NPTN: variants seen among roughly 807,000 people sequenced by gnomAD.
The protein encoded by NPTN is neuroplastin, also known as SDR-1.
NPTN carries 5 observed loss-of-function variants against 42.7 expected under a neutral mutation model. The ratio of observed to expected loss-of-function variants is 0.12; its 90% confidence interval spans 0.06 to 0.25. The LOEUF (loss-of-function observed/expected upper bound fraction) is 0.25, where lower values mean the gene tolerates loss of function less well. Among genes scored for constraint, NPTN ranks in the 10% least tolerant of loss-of-function variants. The probability of loss-of-function intolerance (pLI) is 1.00; values close to 1 mark genes in which losing one functional copy is unlikely to be tolerated. For synonymous variants in NPTN, 180 were observed against 201.9 expected (o/e 0.89, Z 0.92); for missense variants, 307 against 525.4 (o/e 0.58, Z 4.06).
intron 1 of NPTN, among the ~76,000 whole-genome samples, chr15:73,610,736 A>G (rs1476129385): frequency 6.6e-6 from 1 of 152,228 alleles, no homozygotes; most frequent in African/African-American, 2.4e-5. Context: ...GAAATATTAC[A>G]ATGTTTATGC....
At chr15:73,582,659 G>T (rs1410650101) in intron 4 of NPTN, among the ~76,000 whole-genome samples, 2 of 152,172 alleles carry the variant, frequency 1.3e-5, no homozygotes, top group South Asian at 2.1e-4. Flanking sequence ...AATCAAAATT[G>T]AGAACCACTG....
rs973834187 is a variant in NPTN at position 73,572,774 on chromosome 15, G to A, written c.840+888C>T. Among the ~76,000 whole-genome samples the A allele has an allele frequency of 1.2e-4, 18 of 152,138 alleles. 1 individual carries two copies. Among genetic ancestry groups the A allele is most frequent in the South Asian group, 1.0e-3 (5 of 4,832 alleles). On this transcript the variant is annotated intron_variant, in intron 5 of 8. Coordinates refer to ENST00000345330, the MANE Select transcript of NPTN (RefSeq NM_012428.4). ...GGATAAATGGACGAGAATTAGGCTCGGTTCTTTCAGTGTCCTATCCTGAAG... is the reference window on the plus strand; with the variant it reads ...GGATAAATGGACGAGAATTAGGCTCAGTTCTTTCAGTGTCCTATCCTGAAG...
intron 1 of NPTN, among the ~76,000 whole-genome samples, chr15:73,607,411 C>A (rs74859902): frequency 0.16 from 24,827 of 152,128 alleles, 3,131 homozygotes; most frequent in African/African-American, 0.35. Context: ...TGTTAAGATA[C>A]CAAAATTCAT....
intron 4 of NPTN, among the ~76,000 whole-genome samples, chr15:73,576,556 T>A (rs1187296972): frequency 6.6e-6 from 1 of 152,202 alleles, no homozygotes; most frequent in African/African-American, 2.4e-5. Context: ...CTCAAACTAC[T>A]GACCTGAAGT....
chr15:73,620,293 C>T (rs1218144653), intron 1 of NPTN, among the ~76,000 whole-genome samples: 1 of 152,182 alleles, frequency 6.6e-6, no homozygotes, highest in African/African-American at 2.4e-5. Flanking sequence ...CTTGCCTTTC[C>T]ATTCCTAGAA....
chr15:73,579,454 T>C (rs1895878451), intron 4 of NPTN, among the ~76,000 whole-genome samples: 1 of 152,010 alleles, frequency 6.6e-6, no homozygotes, highest in Non-Finnish European at 1.5e-5. Flanking sequence ...TTGGGCCAGT[T>C]ATTGGCAATA....
chr15:73,573,562 C>T (rs1285528481), intron 5 of NPTN, 100 bp downstream of exon 5: 14 of 1,331,322 alleles, frequency 1.1e-5, no homozygotes, highest in Non-Finnish European at 1.3e-5. Flanking sequence ...TCGCCATGCA[C>T]ACATCCGAGG....
intron 3 of NPTN, among the ~76,000 whole-genome samples, chr15:73,588,513 A>C (rs956459406): frequency 1.1e-4 from 16 of 152,286 alleles, no homozygotes; most frequent in African/African-American, 3.6e-4. Flanking sequence ...AGGGCCCTAC[A>C]TGATCTGGCC....
At chr15:73,576,597 G>A (rs754842120) in intron 4 of NPTN, among the ~76,000 whole-genome samples, 5 of 152,164 alleles carry the variant, frequency 3.3e-5, no homozygotes, top group Non-Finnish European at 5.9e-5. Context: ...CCAAAGTGCT[G>A]GGTTTACAGG....
At position 73,629,664 on chromosome 15, in the gene NPTN, C is replaced by T. The variant is rs145214894; in HGVS notation, c.91+3461G>A. On this transcript the variant is annotated intron_variant, in intron 1 of 8. Transcript: ENST00000345330. ...TTGAACAGTGTTAATTTTGTGATGT[C>T]ATATTTTCCATATGAATATATTACG... Among the ~76,000 whole-genome samples the T allele has an allele frequency of 1.7e-3, 263 of 152,146 alleles. 1 individual carries two copies. The highest frequency in any genetic ancestry group is 6.2e-3 in the African/African-American group (256 of 41,524).
At chr15:73,609,458 G>A (rs1433011800) in intron 1 of NPTN, among the ~76,000 whole-genome samples, 1 of 151,978 alleles carries the variant, frequency 6.6e-6, no homozygotes, top group African/African-American at 2.4e-5. Context: ...GTGAAACCCC[G>A]TCTCTACTAA....
intron 6 of NPTN, among the ~76,000 whole-genome samples, chr15:73,566,652 C>T (rs1050056362): frequency 6.6e-6 from 1 of 152,166 alleles, no homozygotes; most frequent in Non-Finnish European, 1.5e-5. Context: ...CGCAGGACAC[C>T]AACACAGAAG....
intron 1 of NPTN, among the ~76,000 whole-genome samples, chr15:73,613,120 A>G (rs1236420538): frequency 6.6e-6 from 1 of 152,180 alleles, no homozygotes; most frequent in African/African-American, 2.4e-5. Flanking sequence ...GATATCCCAG[A>G]ATAAAATTCT....
rs1057121570 is a variant in NPTN, at chr15:73,589,042, A to T, written c.612-1424T>A. On this transcript the variant is annotated intron_variant, in intron 3 of 8. Coordinates refer to ENST00000345330, the MANE Select transcript of NPTN (RefSeq NM_012428.4). ...GAGTGACAGGAAGGACTGTAAGAAGAGTGTATGGGTCAGGCGTGGTGGCTC... is the reference window on the plus strand; with the variant it reads ...GAGTGACAGGAAGGACTGTAAGAAGTGTGTATGGGTCAGGCGTGGTGGCTC... 4.1e-4 allele frequency among the ~76,000 whole-genome samples: 63 copies of T among 152,116 alleles called. 1 individual carries two copies. Among genetic ancestry groups the T allele is most frequent in the African/African-American group, 1.4e-3 (57 of 41,412 alleles).
At chr15:73,562,550 T>C (rs560852740) in intron 7 of NPTN, among the ~76,000 whole-genome samples, 18 of 152,340 alleles carry the variant, frequency 1.2e-4, no homozygotes, top group Non-Finnish European at 2.1e-4. Context: ...GGCCCTCTGG[T>C]ACTTAACAAA....
At chr15:73,616,847 G>T (rs956312241) in intron 1 of NPTN, among the ~76,000 whole-genome samples, 1 of 152,138 alleles carries the variant, frequency 6.6e-6, no homozygotes, top group Non-Finnish European at 1.5e-5. Context: ...AGCTGTCCCA[G>T]GAGTTACCCA....
chr15:73,590,833 A>T (rs890632509), intron 3 of NPTN, among the ~76,000 whole-genome samples: 1 of 152,184 alleles, frequency 6.6e-6, no homozygotes, highest in South Asian at 2.1e-4. Flanking sequence ...AATGCTTTTC[A>T]TTCCACCTAA....
intron 5 of NPTN, among the ~76,000 whole-genome samples, chr15:73,573,319 C>G (rs949095120): frequency 2.0e-5 from 3 of 152,248 alleles, no homozygotes; most frequent in South Asian, 4.1e-4. Context: ...CCCGGCAATG[C>G]TTCCTGTAAA....
At chr15:73,610,337 C>T (rs1277523890) in intron 1 of NPTN, among the ~76,000 whole-genome samples, 2 of 152,214 alleles carry the variant, frequency 1.3e-5, no homozygotes. Context: ...CTCAAGTGGT[C>T]TTCCTGCCTT....
Sources: allele counts gnomAD v4.1 joint callset (sites outside exome capture counted in the v4.1 genomes callset), GRCh38; gene constraint gnomAD v4.1.1; transcripts MANE v1.5; gene names NCBI Gene and HGNC (gene_info 2026-07-23, HGNC 2026-07-21).